Variants in LRP1B observed in about 807,000 individuals in gnomAD.
LRP1B encodes low-density lipoprotein receptor-related protein 1B.
LRP1B carries 217 observed loss-of-function variants against 556.6 expected under a neutral mutation model. The ratio of observed to expected loss-of-function variants is 0.39; its 90% CI spans 0.35 to 0.44. LRP1B has a LOEUF of 0.44. Among genes scored for constraint, LRP1B ranks in the 20% least tolerant of loss-of-function variants. LRP1B has a pLI of 1.00. For missense variants in LRP1B, 5,053 were observed against 5,620.8 expected, an observed-to-expected ratio of 0.90 and a Z score of 3.23; for synonymous variants, 2,047 against 1,865.8, an observed-to-expected ratio of 1.10 and a Z score of -2.50.
intron 41 of LRP1B, among the ~76,000 whole-genome samples, chr2:140,609,940 C>T (rs910929674): frequency 5.3e-5 from 8 of 152,146 alleles, no homozygotes; most frequent in Admixed American, 3.9e-4. Context: ...GTGGTTTACT[C>T]CCTGCCTGCT....
chr2:140,633,623 A>G (rs1683972372), intron 41 of LRP1B, among the ~76,000 whole-genome samples: 1 of 152,304 alleles, frequency 6.6e-6, no homozygotes, highest in South Asian at 2.1e-4. Context: ...ATTACTTGAT[A>G]TTAGAAATCA....
chr2:140,421,525 A>G lies in LRP1B; in HGVS notation c.10414+20979T>C, dbSNP rs78450595. Among the ~76,000 whole-genome samples, 405 of 152,294 alleles carry G rather than the reference A, an allele frequency of 2.7e-3. 2 individuals are homozygous for G. The highest frequency in any genetic ancestry group is 9.3e-3 in the African/African-American group (386 of 41,564). On this transcript the variant is annotated intron_variant, in intron 66 of 90. Coordinates refer to ENST00000389484, the MANE Select transcript of LRP1B (RefSeq NM_018557.3). Reference sequence around the variant, plus strand: ...AAGAAATGCAAGATTTCACAAAATAATTCTTTGTCTTAAAATACCATGTTA... The same window carrying G: ...AAGAAATGCAAGATTTCACAAAATAGTTCTTTGTCTTAAAATACCATGTTA...
At chr2:141,890,939 T>G (rs1034673089) in intron 1 of LRP1B, among the ~76,000 whole-genome samples, 4 of 152,132 alleles carry the variant, frequency 2.6e-5, no homozygotes, top group African/African-American at 9.7e-5. Context: ...CCCCATAACC[T>G]TGCACCTATT....
intron 66 of LRP1B, among the ~76,000 whole-genome samples, chr2:140,390,023 G>A (rs538302248): frequency 2.1e-4 from 32 of 152,096 alleles, no homozygotes; most frequent in African/African-American, 7.5e-4. Context: ...CCAGCTACTT[G>A]GGAAGCTGAG....
At chr2:141,843,683 G>C (rs949496973) in intron 1 of LRP1B, among the ~76,000 whole-genome samples, 1 of 152,086 alleles carries the variant, frequency 6.6e-6, no homozygotes, top group Non-Finnish European at 1.5e-5. Flanking sequence ...AGATGGTATA[G>C]AGACAGCCTG....
chr2:141,375,922 T>C (rs1265905443), intron 3 of LRP1B, among the ~76,000 whole-genome samples: 1 of 152,064 alleles, frequency 6.6e-6, no homozygotes, highest in Non-Finnish European at 1.5e-5. Flanking sequence ...CAACTCATAA[T>C]TAAACTCTCA....
At chr2:141,264,701 T>G (rs1163083605) in intron 3 of LRP1B, among the ~76,000 whole-genome samples, 1 of 152,202 alleles carries the variant, frequency 6.6e-6, no homozygotes, top group African/African-American at 2.4e-5. Flanking sequence ...GTGATCCACC[T>G]GCCTTGGCCT....
chr2:141,504,164 GT>G (rs1213005928), intron 2 of LRP1B, among the ~76,000 whole-genome samples: 1 of 152,028 alleles, frequency 6.6e-6, no homozygotes, highest in East Asian at 1.9e-4. Context: ...TTCTCCAGAG[GT>G]TTCATATTAA....
rs373461907 is a variant in LRP1B at position 141,862,739 on chromosome 2, A to G, written c.83-52338T>C. On this transcript the variant is annotated intron_variant, in intron 1 of 90. Transcript: ENST00000389484. ...GTGTAAGCACCATGCCCAGCTGAAA[A>G]TAATTGTTTATATCATAGCCATACA... is the stretch of plus-strand genomic sequence containing the variant. Among the ~76,000 whole-genome samples, 26 of 152,300 alleles carry G rather than the reference A, an allele frequency of 1.7e-4. No homozygotes were observed. The East Asian group carries it at 1.9e-3, about 11-fold the overall frequency.
chr2:141,192,072 C>G (rs1249438), intron 6 of LRP1B, among the ~76,000 whole-genome samples: 1 of 151,896 alleles, frequency 6.6e-6, no homozygotes, highest in African/African-American at 2.4e-5. Flanking sequence ...CACTACAGAA[C>G]TTAATAATAA....
intron 7 of LRP1B, among the ~76,000 whole-genome samples, chr2:141,182,482 G>T (rs2105175746): frequency 6.6e-6 from 1 of 151,884 alleles, no homozygotes; most frequent in Middle Eastern, 3.4e-3. Flanking sequence ...AACCTAGGTT[G>T]TTTCAAATAT....
intron 86 of LRP1B, among the ~76,000 whole-genome samples, chr2:140,264,061 T>C (rs940205089): frequency 6.6e-6 from 1 of 152,154 alleles, no homozygotes; most frequent in Non-Finnish European, 1.5e-5. Context: ...GCCTCTCTTC[T>C]TGGCTTACAG....
chr2:140,680,279 C>T (rs1023244116), intron 41 of LRP1B, among the ~76,000 whole-genome samples: 2 of 152,096 alleles, frequency 1.3e-5, no homozygotes, highest in African/African-American at 2.4e-5. Flanking sequence ...TAAATGTATA[C>T]GTGCACCGGA....
Position 140,857,512 on chromosome 2 carries a change from T to C in LRP1B, c.4580-5729A>G, listed in dbSNP as rs543034162. The stretch of plus-strand genomic sequence containing the variant: ...CAAGTGATAAGTTTAACATTTCACA[T>C]TGAAGAACTTGAGTGAATTCCTTAT... On this transcript the variant is annotated intron_variant, in intron 27 of 90. Transcript: ENST00000389484. Among the ~76,000 whole-genome samples the C allele has an allele frequency of 2.6e-5, 4 of 152,250 alleles. No individual in the cohort carries two copies. The South Asian group carries it at 8.3e-4, about 32-fold the overall frequency.
At chr2:140,632,893 C>A (rs2105280633) in intron 41 of LRP1B, among the ~76,000 whole-genome samples, 1 of 151,936 alleles carries the variant, frequency 6.6e-6, no homozygotes, top group East Asian at 1.9e-4. Context: ...GAAACCCTGT[C>A]TCCACTAAAA....
chr2:142,103,710 A>G (rs779726080), intron 1 of LRP1B, among the ~76,000 whole-genome samples: 7 of 151,736 alleles, frequency 4.6e-5, no homozygotes, highest in Non-Finnish European at 7.4e-5. Context: ...AGATGACCCA[A>G]TGATTTTTCA....
intron 82 of LRP1B, among the ~76,000 whole-genome samples, chr2:140,318,553 T>G (rs975751068): frequency 4.6e-5 from 7 of 152,150 alleles, no homozygotes; most frequent in Non-Finnish European, 1.0e-4. Context: ...ACATATTGAT[T>G]TTAAAGGGCT....
intron 77 of LRP1B, among the ~76,000 whole-genome samples, chr2:140,348,018 G>A (rs954061988): frequency 1.3e-5 from 2 of 151,768 alleles, no homozygotes; most frequent in African/African-American, 4.8e-5. Context: ...AGATTTCAGA[G>A]GAATAAACAC....
rs1427624820 is a variant in LRP1B at position 140,544,280 on chromosome 2, A to G, written c.7195-2309T>C. On this transcript the variant is annotated intron_variant, in intron 43 of 90. Transcript: ENST00000389484. ...GGTATTAACTTTTAAATTCAGGGGT[A>G]TATGTTCAGGTTTGTTATATAGGTA... Among the ~76,000 whole-genome samples, 5 of 150,894 alleles carry G rather than the reference A, an allele frequency of 3.3e-5. No individual in the cohort carries two copies. The Admixed American group carries it at 3.3e-4, about 10-fold the overall frequency.
Sources: allele counts gnomAD v4.1 joint callset (sites outside exome capture counted in the v4.1 genomes callset), GRCh38; gene constraint gnomAD v4.1.1; transcripts MANE v1.5; gene names NCBI Gene and HGNC (gene_info 2026-07-23, HGNC 2026-07-21).